Variants in SHOC2 observed in about 807,000 individuals in gnomAD.
The protein encoded by SHOC2 is leucine-rich repeat protein SHOC-2.
In SHOC2, 4 loss-of-function variants were observed where a neutral mutation model predicts 50.2. That is an observed-to-expected ratio of 0.08 (90% CI 0.04 to 0.18). The LOEUF (loss-of-function observed/expected upper bound fraction) is 0.18. Ranked by LOEUF, SHOC2 falls within the 10% of genes least tolerant of loss-of-function variation. The pLI is 1.00. For missense variants in SHOC2, 388 were observed against 669.6 expected (o/e 0.58, Z 4.64); for synonymous variants, 218 against 244.5 (o/e 0.89, Z 1.01).
At chr10:110,980,990 A>G (rs1847965563) in intron 2 of SHOC2, among the ~76,000 whole-genome samples, 1 of 152,166 alleles carries the variant, frequency 6.6e-6, no homozygotes, top group Non-Finnish European at 1.5e-5. Context: ...TGAATCTTTC[A>G]TGTAGATGGA....
intron 1 of SHOC2, among the ~76,000 whole-genome samples, chr10:110,939,862 T>G (rs1847101912): frequency 6.6e-6 from 1 of 152,216 alleles, no homozygotes; most frequent in Admixed American, 6.5e-5. Context: ...AGCTACATCA[T>G]CACTTCCTAA....
chr10:110,964,984 A>C lies in SHOC2; in HGVS notation c.626A>C (p.Lys209Thr). Residue 209 changes from lysine to threonine, a missense_variant, in exon 2 of 9, where the codon AAG (lysine) becomes ACG (threonine). Physicochemically the swap from Lys to Thr is moderately conservative, Grantham distance 78. Transcript: ENST00000369452. This position sits in a 1 kb window ranked among gnomAD's most constrained non-coding sequence, Gnocchi z 4.9. Reference sequence around the variant, plus strand: ...TTTAATCGTATAACTACTGTGGAAAAGGACATCAAAAACTTGTCAAAACTC... The same window carrying C: ...TTTAATCGTATAACTACTGTGGAAACGGACATCAAAAACTTGTCAAAACTC... Reference protein sequence around the residue: ...LRFNRITTVEKDIKNLSKLSM... With the variant: ...LRFNRITTVETDIKNLSKLSM... 6.2e-7 allele frequency: 1 copy of C among 1,613,722 alleles called. No individual in the cohort carries two copies. Among genetic ancestry groups the C allele is most frequent in the Non-Finnish European group, 8.5e-7 (1 of 1,179,832 alleles).
Position 110,964,966 on chromosome 10 carries a change from G to A in SHOC2, c.608G>A (p.Arg203His), listed in dbSNP as rs1847645464. 1 of 1,613,366 alleles carries A rather than the reference G, an allele frequency of 6.2e-7. No individual in the cohort carries two copies. The highest frequency in any genetic ancestry group is 8.5e-7 in the Non-Finnish European group (1 of 1,179,794). ...ACCACTCTTTACCTTCGCTTTAATC[G>A]TATAACTACTGTGGAAAAGGACATC... The part of the protein sequence containing the change: ...SLTTLYLRFN[R>H]ITTVEKDIKN... Residue 203 changes from arginine (R) to histidine (H), a missense_variant, in exon 2 of 9, where the codon CGT becomes CAT. This residue lies in a region of SHOC2 where 88 missense variants were observed against 147.2 expected (regional missense o/e 0.60). Coordinates refer to ENST00000369452, the MANE Select transcript of SHOC2 (RefSeq NM_007373.4). The surrounding 1 kb of genome is among the most constrained non-coding windows in gnomAD (Gnocchi z 4.9).
At chr10:110,967,732 C>T (rs533576609) in intron 2 of SHOC2, among the ~76,000 whole-genome samples, 1 of 152,100 alleles carries the variant, frequency 6.6e-6, no homozygotes. Flanking sequence ...TATGTGGTCT[C>T]TTACGACAGG....
At position 110,994,577 on chromosome 10, in the gene SHOC2, G is replaced by A. The variant is rs562539520; in HGVS notation, c.842-5838G>A. 2.6e-5 allele frequency among the ~76,000 whole-genome samples: 4 copies of A among 152,204 alleles called. No individual in the cohort carries two copies. In the South Asian group the frequency reaches 8.3e-4, roughly 32 times the overall value. ...CTTTACAATGGTTAAATAGAATGAG[G>A]TATATCTGTGTTTACTCAGCATAAA... On this transcript the variant is annotated intron_variant, in intron 3 of 8. Transcript: ENST00000369452.
chr10:110,953,728 G>A (rs531970164), intron 1 of SHOC2, among the ~76,000 whole-genome samples: 1 of 150,474 alleles, frequency 6.6e-6, no homozygotes, highest in Non-Finnish European at 1.5e-5. Flanking sequence ...ACACACACAC[G>A]TGTATATATA....
chr10:110,960,142 T>C (rs1847543578), intron 1 of SHOC2, among the ~76,000 whole-genome samples: 1 of 152,258 alleles, frequency 6.6e-6, no homozygotes, highest in Non-Finnish European at 1.5e-5. Flanking sequence ...ATGACAGGGC[T>C]TGGGAAACTA....
intron 2 of SHOC2, among the ~76,000 whole-genome samples, chr10:110,979,927 A>AG (rs1475006491): frequency 6.6e-6 from 1 of 152,188 alleles, no homozygotes; most frequent in Non-Finnish European, 1.5e-5. Context: ...CCTACTCACT[A>AG]GACAGGTACT....
At chr10:110,952,527 C>T (rs1189497073) in intron 1 of SHOC2, among the ~76,000 whole-genome samples, 3 of 152,072 alleles carry the variant, frequency 2.0e-5, no homozygotes, top group African/African-American at 7.2e-5. Flanking sequence ...CTCACTCCCC[C>T]AACCCCTAGC....
intron 1 of SHOC2, among the ~76,000 whole-genome samples, chr10:110,923,353 A>T (rs184262267): frequency 3.9e-5 from 6 of 152,090 alleles, no homozygotes; most frequent in Non-Finnish European, 5.9e-5. Context: ...TTATGTTCTA[A>T]AATATATAAT....
intron 1 of SHOC2, among the ~76,000 whole-genome samples, chr10:110,947,376 T>C (rs1353903112): frequency 6.6e-6 from 1 of 152,240 alleles, no homozygotes; most frequent in Non-Finnish European, 1.5e-5. Flanking sequence ...GTCCGGAATC[T>C]CTGGACAGGC....
Position 110,991,561 on chromosome 10 carries a change from TTAG to T in SHOC2, c.841+5799_841+5801del, listed in dbSNP as rs1231411432. ...TACTCTGAGTAAATGGCAAAGTAAATTAGTAATATTTATTGAAACTTTTTATGA... is the reference window on the plus strand; with the variant it reads ...TACTCTGAGTAAATGGCAAAGTAAATTAATATTTATTGAAACTTTTTATGA... On this transcript the variant is annotated intron_variant, in intron 3 of 8. Transcript: ENST00000369452. 2.6e-5 allele frequency among the ~76,000 whole-genome samples: 4 copies of T among 152,316 alleles called. No homozygotes were observed. The East Asian group carries it at 7.7e-4, about 29-fold the overall frequency.
intron 5 of SHOC2, among the ~76,000 whole-genome samples, chr10:111,006,473 C>T (rs894371668): frequency 4.0e-5 from 6 of 151,836 alleles, no homozygotes; most frequent in African/African-American, 1.4e-4. Flanking sequence ...CGGGTTCACG[C>T]CATTCTCCTG....
chr10:110,954,593 G>T (rs72819752), intron 1 of SHOC2, among the ~76,000 whole-genome samples: 2,545 of 152,264 alleles, frequency 0.017, 31 homozygotes, highest in South Asian at 0.073. Flanking sequence ...GACAGACAAG[G>T]TCCCTTATCT....
chr10:110,958,841 A>C (rs1847519556), intron 1 of SHOC2, among the ~76,000 whole-genome samples: 1 of 151,788 alleles, frequency 6.6e-6, no homozygotes, highest in South Asian at 2.1e-4. Context: ...TTCATCCCCA[A>C]CTGCTTTCTG....
Position 111,004,573 on chromosome 10 carries a change from CTAATTCTTATGTT to C in SHOC2, c.973-30_973-18del. On this transcript the variant is annotated intron_variant, in intron 4 of 8. Coordinates refer to ENST00000369452, the MANE Select transcript of SHOC2 (RefSeq NM_007373.4). The stretch of plus-strand genomic sequence containing the variant: ...ATAAAAAATGAGTCTCATCACAGTT[CTAATTCTTATGTT>C]TATTTCATTTTTTTTACAGAGTCTT... The C allele has an allele frequency of 6.7e-7, 1 of 1,502,128 alleles. No individual in the cohort carries two copies. 93.0% of individuals were successfully genotyped at this position (1,502,128 alleles called of 1,614,324 possible).
intron 5 of SHOC2, among the ~76,000 whole-genome samples, chr10:111,006,942 G>GT (rs1214835198): frequency 1.5e-4 from 23 of 152,230 alleles, no homozygotes; most frequent in African/African-American, 4.8e-4. Flanking sequence ...CATATTTACT[G>GT]TTTCCTCTGT....
chr10:110,941,417 C>T (rs10885066), intron 1 of SHOC2, among the ~76,000 whole-genome samples: 78,730 of 151,778 alleles, frequency 0.52, 24,335 homozygotes, highest in Non-Finnish European at 0.69. Flanking sequence ...CTGCAACCTC[C>T]GCCTCCCAGA....
intron 5 of SHOC2, among the ~76,000 whole-genome samples, chr10:111,006,563 G>A (rs930356025): frequency 6.6e-6 from 1 of 152,064 alleles, no homozygotes. Context: ...GTAGAGACGG[G>A]GTTTCACCGT....
Sources: allele counts gnomAD v4.1 joint callset (sites outside exome capture counted in the v4.1 genomes callset), GRCh38; gene constraint gnomAD v4.1.1; regional missense constraint gnomAD v4.1.1; non-coding constraint Gnocchi (gnomAD v3.1); transcripts MANE v1.5; gene names NCBI Gene and HGNC (gene_info 2026-07-23, HGNC 2026-07-21).